The following IRF2BP2 variants were observed in gnomAD, a reference collection of about 807,000 sequenced individuals.
IRF2BP2 encodes the protein interferon regulatory factor 2-binding protein 2.
IRF2BP2 carries 13 observed loss-of-function variants against 32.7 expected under a neutral mutation model. The ratio of observed to expected loss-of-function variants is 0.40; its 90% CI spans 0.26 to 0.63. IRF2BP2 has a LOEUF of 0.63. Ranked by LOEUF, IRF2BP2 falls within the 30% of genes least tolerant of loss-of-function variation. The probability of loss-of-function intolerance (pLI) is 0.42; values close to 1 mark genes in which losing one functional copy is unlikely to be tolerated. For synonymous variants in IRF2BP2, 555 were observed against 384.6 expected (o/e 1.44, Z -5.18); for missense variants, 980 against 830.6 (o/e 1.18, Z -2.21).
intron 1 of IRF2BP2, 30 bp from the exon 2 acceptor site, chr1:234,607,882 G>A (rs774979277): frequency 5.4e-6 from 8 of 1,494,822 alleles, no homozygotes; most frequent in East Asian, 2.3e-5. Context: ...AAAGGAAAAA[G>A]GTAACATAAG....
chr1:234,609,145 T>C lies in IRF2BP2; in HGVS notation c.350A>G (p.Tyr117Cys), dbSNP rs1672267836. The stretch of plus-strand genomic sequence containing the variant: ...CCTCTCGGCCGCGGCCGCCAACGGG[T>C]AGCGCTCCAAGGCCTGCGGCGCGCG... ...APRAPQALER[Y>C]PLAAAAERPP... The change falls in exon 1 of 2, where the codon TAC (tyrosine) becomes TGC (cysteine). Residue 117 changes from tyrosine (Y) to cysteine (C), a missense_variant. Transcript: ENST00000366609. 1.9e-5 allele frequency: 24 copies of C among 1,240,990 alleles called. No individual in the cohort carries two copies. Among genetic ancestry groups the C allele is most frequent in the Non-Finnish European group, 2.4e-5 (24 of 995,012 alleles). The allele number at this position is 1,240,990 out of a possible 1,614,324, so 76.9% of individuals were successfully genotyped here. A position where few individuals can be genotyped will look rare whatever the true frequency, so the allele number is the denominator to read the frequency against.
rs1672133729 is a variant in IRF2BP2, at chr1:234,605,414, T to C, written c.*1723A>G. The C allele has an allele frequency of 6.6e-6, 1 of 152,230 alleles. No individual in the cohort carries two copies. Among genetic ancestry groups the C allele is most frequent in the South Asian group, 2.1e-4 (1 of 4,834 alleles). The allele number at this position is 152,230 out of a possible 1,614,324, so 9.4% of individuals were successfully genotyped here. On this transcript the variant is annotated 3_prime_UTR_variant, in exon 2 of 2. Coordinates refer to ENST00000366609, the MANE Select transcript of IRF2BP2 (RefSeq NM_182972.3). ...AACATGAATTCTCGCACAGTAGTAA[T>C]AGGTGCACTCATTAAAAACACTACG...
rs1385473025 is a variant in IRF2BP2, at chr1:234,604,539, T to C, written c.*2598A>G. On this transcript the variant is annotated 3_prime_UTR_variant, in exon 2 of 2. Transcript: ENST00000366609. Reference sequence around the variant, plus strand: ...CCAAGGAAAGGTATATAGTAAAAGTTGTAAACCATGTGTATGTTCTCATAA... The same window carrying C: ...CCAAGGAAAGGTATATAGTAAAAGTCGTAAACCATGTGTATGTTCTCATAA... 1 of 152,204 alleles carries C rather than the reference T, an allele frequency of 6.6e-6. No individual in the cohort carries two copies. Among genetic ancestry groups the C allele is most frequent in the Non-Finnish European group, 1.5e-5 (1 of 68,032 alleles). The allele number at this position is 152,204 out of a possible 1,614,324, so 9.4% of individuals were successfully genotyped here.
chr1:234,607,003 A>C lies in IRF2BP2; in HGVS notation c.*134T>G, dbSNP rs1268903835. 5.6e-6 allele frequency: 4 copies of C among 710,710 alleles called. No individual in the cohort carries two copies. Among genetic ancestry groups the C allele is most frequent in the Non-Finnish European group, 9.2e-6 (4 of 434,436 alleles). The allele number at this position is 710,710 out of a possible 1,614,324, so 44.0% of individuals were successfully genotyped here. Reference sequence around the variant, plus strand: ...ATAGAAACACAATGTATTCAAAAAAAATCAAAATTATACAGCCATGTTTAT... The same window carrying C: ...ATAGAAACACAATGTATTCAAAAAACATCAAAATTATACAGCCATGTTTAT... On this transcript the variant is annotated 3_prime_UTR_variant, in exon 2 of 2. Transcript: ENST00000366609.
At position 234,608,598 on chromosome 1, in the gene IRF2BP2, G is replaced by C; in HGVS notation, c.897C>G (p.Val299=). The change falls in exon 1 of 2, where the codon GTC becomes GTG. Residue 299 remains valine (V), a synonymous_variant. Transcript: ENST00000366609. ...TGTCGCGCACGGTCTTGGGCCTGTT[G>C]ACCCAGTCCTGCTCTCCAGACCCGC... ...KSRGSGEQDW[V]NRPKTVRDTL... is the part of the protein sequence containing the mutation. 1 of 1,598,808 alleles carries C rather than the reference G, an allele frequency of 6.3e-7. No homozygotes were observed. The highest frequency in any genetic ancestry group is 8.5e-7 in the Non-Finnish European group (1 of 1,174,106).
At position 234,606,198 on chromosome 1, in the gene IRF2BP2, C is replaced by T. The variant is rs1233692988; in HGVS notation, c.*939G>A. On this transcript the variant is annotated 3_prime_UTR_variant, in exon 2 of 2. Coordinates refer to ENST00000366609, the MANE Select transcript of IRF2BP2 (RefSeq NM_182972.3). ...ACCAATCCCACAATCTCCAAGTTCA[C>T]CTGGACTGTAACTTCTCTTGCAACT... 1.3e-5 allele frequency: 2 copies of T among 152,312 alleles called. No individual in the cohort carries two copies. The highest frequency in any genetic ancestry group is 2.9e-5 in the Non-Finnish European group (2 of 68,112). 9.4% of individuals were successfully genotyped at this position (152,312 alleles called of 1,614,324 possible).
chr1:234,609,342 G>C lies in IRF2BP2; in HGVS notation c.153C>G (p.Phe51Leu). Residue 51 changes from phenylalanine to leucine, a missense_variant, in exon 1 of 2, where the codon TTC becomes TTG. Coordinates refer to ENST00000366609, the MANE Select transcript of IRF2BP2 (RefSeq NM_182972.3). ...VNYEGADRVE[F>L]VIETARQLKR... ...TGAGCTGCCGCGCCGTCTCGATGAC[G>C]AACTCGACGCGGTCGGCGCCCTCGT... The C allele has an allele frequency of 1.3e-6, 2 of 1,534,312 alleles. No homozygotes were observed. Among genetic ancestry groups the C allele is most frequent in the Non-Finnish European group, 1.7e-6 (2 of 1,143,150 alleles).
chr1:234,609,136 G>C lies in IRF2BP2; in HGVS notation c.359C>G (p.Ala120Gly). 8.1e-7 allele frequency: 1 copy of C among 1,230,208 alleles called. No individual in the cohort carries two copies. The highest frequency in any genetic ancestry group is 1.6e-5 in the African/African-American group (1 of 63,552). The allele number at this position is 1,230,208 out of a possible 1,614,324, so 76.2% of individuals were successfully genotyped here. A position where few individuals can be genotyped will look rare whatever the true frequency, so the allele number is the denominator to read the frequency against. ...APQALERYPL[A>G]AAAERPPRLG... The stretch of plus-strand genomic sequence containing the variant: ...GCGCGGGGGCCTCTCGGCCGCGGCC[G>C]CCAACGGGTAGCGCTCCAAGGCCTG... Residue 120 changes from alanine to glycine, a missense_variant, in exon 1 of 2, where the codon GCG becomes GGG. By Grantham distance (60) the Ala-to-Gly change is moderately conservative. Transcript: ENST00000366609.
chr1:234,608,089 G>C (rs1258479770), intron 1 of IRF2BP2: 1 of 558,026 alleles, frequency 1.8e-6, no homozygotes, highest in South Asian at 2.5e-5. Flanking sequence ...TGACACGCTT[G>C]TAACTGCCTG....
chr1:234,606,667 A>G lies in IRF2BP2; in HGVS notation c.*470T>C, dbSNP rs1352692540. 1 of 154,870 alleles carries G rather than the reference A, an allele frequency of 6.5e-6. No individual in the cohort carries two copies. The highest frequency in any genetic ancestry group is 1.4e-5 in the Non-Finnish European group (1 of 69,674). 9.6% of individuals were successfully genotyped at this position (154,870 alleles called of 1,614,324 possible). ...CACTTGACAACATGCCCGTTCGATC[A>G]TTTCCTTTCCTTCTCCACCACTTGG... On this transcript the variant is annotated 3_prime_UTR_variant, in exon 2 of 2. Coordinates refer to ENST00000366609, the MANE Select transcript of IRF2BP2 (RefSeq NM_182972.3).
At chr1:234,608,235 A>G in intron 1 of IRF2BP2, 2 of 539,398 alleles carry the variant, frequency 3.7e-6, no homozygotes, top group Non-Finnish European at 6.5e-6. Context: ...CCCGTGTCAG[A>G]GCGTATCAGC....
chr1:234,609,084 G>C lies in IRF2BP2; in HGVS notation c.411C>G (p.Arg137=). 1.6e-6 allele frequency: 2 copies of C among 1,244,962 alleles called. No homozygotes were observed. Among genetic ancestry groups the C allele is most frequent in the Non-Finnish European group, 2.0e-6 (2 of 997,044 alleles). 77.1% of individuals were successfully genotyped at this position (1,244,962 alleles called of 1,614,324 possible). A position where few individuals can be genotyped will look rare whatever the true frequency, so the allele number is the denominator to read the frequency against. Residue 137 remains arginine (R), a synonymous_variant, in exon 1 of 2, where the codon CGC becomes CGG. Transcript: ENST00000366609. The part of the protein sequence containing the change: ...PRLGSDFGSS[R]PAASLAQPPT... ...GCGGCTGGGCCAGGCTCGCTGCCGG[G>C]CGGCTGCTGCCGAAGTCAGAGCCGA...
intron 1 of IRF2BP2, chr1:234,608,081 A>G (rs1672216416): frequency 1.8e-6 from 1 of 559,898 alleles, no homozygotes; most frequent in Non-Finnish European, 3.2e-6. Context: ...ACTGAAAATG[A>G]CACGCTTGTA....
rs1052370963 is a variant in IRF2BP2 at position 234,606,103 on chromosome 1, G to T, written c.*1034C>A. 1.3e-5 allele frequency: 2 copies of T among 152,224 alleles called. No individual in the cohort carries two copies. The highest frequency in any genetic ancestry group is 2.9e-5 in the Non-Finnish European group (2 of 68,062). The allele number at this position is 152,224 out of a possible 1,614,324, so 9.4% of individuals were successfully genotyped here. On this transcript the variant is annotated 3_prime_UTR_variant, in exon 2 of 2. Transcript: ENST00000366609. ...CTGTATTCAGCACTCACTAGAAACA[G>T]GGTATAGGTGATAGTATCAACAGCA...
rs1672187850 is a variant in IRF2BP2 at position 234,607,171 on chromosome 1, C to G, written c.1730G>C (p.Gly577Ala). The change falls in exon 2 of 2, where the codon GGA (glycine) becomes GCA (alanine). Residue 577 changes from glycine to alanine, a missense_variant. Gly to Ala is a moderately conservative substitution (Grantham distance 60, BLOSUM62 0). Coordinates refer to ENST00000366609, the MANE Select transcript of IRF2BP2 (RefSeq NM_182972.3). ...TCTCTCTTTTTTCACTTTCACATCT[C>G]CAGCAAGGATGGTTGCAATTTCCCC... ...MQGEIATILA[G>A]DVKVKKERDS 1.2e-6 allele frequency: 2 copies of G among 1,611,576 alleles called. No individual in the cohort carries two copies. The highest frequency in any genetic ancestry group is 1.7e-6 in the Non-Finnish European group (2 of 1,177,958).
chr1:234,608,431 T>G lies in IRF2BP2; in HGVS notation c.1048+16A>C. On this transcript the variant is annotated intron_variant, in intron 1 of 1. Coordinates refer to ENST00000366609, the MANE Select transcript of IRF2BP2 (RefSeq NM_182972.3). ...CTTTTCTCCCCTAGACCCCCTCACT[T>G]CACAGCCGCCCCTACCTGCTTTAGA... 1 of 1,492,460 alleles carries G rather than the reference T, an allele frequency of 6.7e-7. No homozygotes were observed. Among genetic ancestry groups the G allele is most frequent in the Non-Finnish European group, 9.0e-7 (1 of 1,115,550 alleles). 92.5% of individuals were successfully genotyped at this position (1,492,460 alleles called of 1,614,324 possible).
In IRF2BP2 at chr1:234,609,306, G is replaced by C; in HGVS notation, c.189C>G (p.His63Gln). Reference sequence around the variant, plus strand: ...GGGAGCGACCCTCCGGGAAGCAGCCGTGCGCCCGCTTGAGCTGCCGCGCCG... The same window carrying C: ...GGGAGCGACCCTCCGGGAAGCAGCCCTGCGCCCGCTTGAGCTGCCGCGCCG... Reference protein sequence around the residue: ...IETARQLKRAHGCFPEGRSPP... With the variant: ...IETARQLKRAQGCFPEGRSPP... The change falls in exon 1 of 2, where the codon CAC becomes CAG. Residue 63 changes from histidine (H) to glutamine (Q), a missense_variant. Physicochemically the swap from His to Gln is conservative, Grantham distance 24. Transcript: ENST00000366609. The C allele has an allele frequency of 6.7e-7, 1 of 1,497,366 alleles. No homozygotes were observed. Among genetic ancestry groups the C allele is most frequent in the South Asian group, 1.3e-5 (1 of 79,326 alleles). 92.8% of individuals were successfully genotyped at this position (1,497,366 alleles called of 1,614,324 possible). A position where few individuals can be genotyped will look rare whatever the true frequency, so the allele number is the denominator to read the frequency against.
At position 234,606,532 on chromosome 1, in the gene IRF2BP2, G is replaced by GTA. The variant is rs1553319423; in HGVS notation, c.*603_*604dup. The GTA allele has an allele frequency of 6.6e-6, 1 of 151,794 alleles. No individual in the cohort carries two copies. The highest frequency in any genetic ancestry group is 2.4e-5 in the African/African-American group (1 of 41,296). The allele number at this position is 151,794 out of a possible 1,614,324, so 9.4% of individuals were successfully genotyped here. On this transcript the variant is annotated 3_prime_UTR_variant, in exon 2 of 2. Coordinates refer to ENST00000366609, the MANE Select transcript of IRF2BP2 (RefSeq NM_182972.3). The stretch of plus-strand genomic sequence containing the variant: ...TTCCCAGCAGCACTCTCAGTCATCA[G>GTA]TATCTCAGGAACTGAACTTTTGAGC...
At chr1:234,607,986 C>CA (rs1553319635) in intron 1 of IRF2BP2, 134 bp from the exon 2 acceptor site, 3 of 697,324 alleles carry the variant, frequency 4.3e-6, no homozygotes, top group Non-Finnish European at 7.0e-6. Flanking sequence ...AGAAAATACT[C>CA]ATATACGAGT....
Sources: gnomAD v4.1 joint callset for allele counts on GRCh38, gnomAD v4.1.1 for gene constraint, MANE v1.5 for transcripts, NCBI Gene and HGNC (gene_info 2026-07-23, HGNC 2026-07-21) for gene names.